Variants in WSB1 observed in about 807,000 individuals in gnomAD.
WSB1 encodes the protein WD repeat and SOCS box containing 1.
Under a neutral mutation model 50.2 loss-of-function variants are expected in WSB1, and 23 were observed. That is an observed-to-expected ratio of 0.46 (90% CI 0.33 to 0.65). WSB1 has a LOEUF of 0.65. Among genes scored for constraint, WSB1 ranks in the 30% least tolerant of loss-of-function variants. The pLI is 0.02. For missense variants in WSB1, 492 were observed against 522.3 expected (o/e 0.94, Z 0.56); for synonymous variants, 179 against 172.0 (o/e 1.04, Z -0.32).
chr17:27,294,127 C>G lies in WSB1; in HGVS notation c.-269C>G, dbSNP rs2016837858. The stretch of plus-strand genomic sequence containing the variant: ...CATTTTGACTCCAGTGTCTCGTTTG[C>G]AGTCGGCGCTTTAGGGGAACTGTCT... On this transcript the variant is annotated 5_prime_UTR_variant, in exon 1 of 9. Coordinates refer to ENST00000262394, the MANE Select transcript of WSB1 (RefSeq NM_015626.10). 3.3e-6 allele frequency: 1 copy of G among 301,690 alleles called. No homozygotes were observed. Among genetic ancestry groups the G allele is most frequent in the African/African-American group, 2.2e-5 (1 of 46,220 alleles). The allele number at this position is 301,690 out of a possible 1,614,324, so 18.7% of individuals were successfully genotyped here.
Position 27,308,999 on chromosome 17 carries a change from TTAATA to T in WSB1, c.712-96_712-92del. On this transcript the variant is annotated intron_variant, in intron 5 of 8. Transcript: ENST00000262394. ...TTAAATTACTCATAATTTATAATGC[TTAATA>T]TAATCTTAATTAAATTTAGCAGTTT... The T allele has an allele frequency of 3.6e-6, 5 of 1,376,884 alleles. No homozygotes were observed. In the South Asian group the frequency reaches 5.5e-5, roughly 15 times the overall value. 85.3% of individuals were successfully genotyped at this position (1,376,884 alleles called of 1,614,324 possible).
At position 27,305,012 on chromosome 17, in the gene WSB1, T is replaced by G. The variant is rs8073163; in HGVS notation, c.610+101T>G. ...GGCATTTGACTTTAAAAATGACATG[T>G]GATCAAAGTTCCTTTTCTCTGCCTT... On this transcript the variant is annotated intron_variant, in intron 4 of 8. Transcript: ENST00000262394. The G allele has an allele frequency of 9.5e-3, 13,898 of 1,465,080 alleles. 1,095 individuals carry two copies. In the African/African-American group the frequency reaches 0.17, roughly 18 times the overall value. 90.8% of individuals were successfully genotyped at this position (1,465,080 alleles called of 1,614,324 possible). A position where few individuals can be genotyped will look rare whatever the true frequency, so the allele number is the denominator to read the frequency against.
Position 27,312,648 on chromosome 17 carries a change from C to T in WSB1, c.*279C>T, listed in dbSNP as rs2017732567. On this transcript the variant is annotated 3_prime_UTR_variant, in exon 9 of 9. Coordinates refer to ENST00000262394, the MANE Select transcript of WSB1 (RefSeq NM_015626.10). The stretch of plus-strand genomic sequence containing the variant: ...ATAAGCTGCTATATGTTGAATGGAC[C>T]CTTTTGCTTTTCTGATTTTTAGTTC... 1 of 296,442 alleles carries T rather than the reference C, an allele frequency of 3.4e-6. No individual in the cohort carries two copies. The highest frequency in any genetic ancestry group is 2.2e-5 in the African/African-American group (1 of 44,702). The allele number at this position is 296,442 out of a possible 1,614,324, so 18.4% of individuals were successfully genotyped here.
At chr17:27,308,505 T>C (rs2017546796) in intron 5 of WSB1, 11 of 985,782 alleles carry the variant, frequency 1.1e-5, no homozygotes, top group Non-Finnish European at 1.2e-5. Flanking sequence ...AATAGCATTT[T>C]CATTTTGTAA....
rs1453532271 is a variant in WSB1 at position 27,310,086 on chromosome 17, A to G, written c.910A>G (p.Ile304Val). Reference sequence around the variant, plus strand: ...GCACCTGTTTCCCCCACCTACTCCAATATTTGCTGGAGGAGCAAATGACCG... The same window carrying G: ...GCACCTGTTTCCCCCACCTACTCCAGTATTTGCTGGAGGAGCAAATGACCG... Reference protein sequence around the residue: ...FGHLFPPPTPIFAGGANDRWV... With the variant: ...FGHLFPPPTPVFAGGANDRWV... Residue 304 changes from isoleucine (I) to valine (V), a missense_variant, in exon 7 of 9, where the codon ATA (isoleucine) becomes GTA (valine). Physicochemically the swap from Ile to Val is conservative, Grantham distance 29 (BLOSUM62 3). Transcript: ENST00000262394. The G allele has an allele frequency of 6.2e-7, 1 of 1,614,070 alleles. No homozygotes were observed. Among genetic ancestry groups the G allele is most frequent in the Non-Finnish European group, 8.5e-7 (1 of 1,179,948 alleles).
intron 5 of WSB1, 41 bp downstream of exon 5, chr17:27,306,923 T>C (rs1171093668): frequency 6.4e-7 from 1 of 1,572,796 alleles, no homozygotes; most frequent in Admixed American, 1.7e-5. Context: ...TGAATTGGAT[T>C]ATGATAATGT....
intron 7 of WSB1, among the ~76,000 whole-genome samples, chr17:27,311,184 A>G (rs1255238148): frequency 1.3e-5 from 2 of 152,178 alleles, no homozygotes; most frequent in East Asian, 3.9e-4. Flanking sequence ...AAAGGGTGAA[A>G]CAGACTAGAA....
In WSB1 at chr17:27,311,633, CTTTTTTTTTTTTTT is replaced by C. The variant is rs142949229; in HGVS notation, c.1106+30_1106+43del. 17 of 491,130 alleles carry C rather than the reference CTTTTTTTTTTTTTT, an allele frequency of 3.5e-5. No individual in the cohort carries two copies. Among genetic ancestry groups the C allele is most frequent in the Admixed American group, 1.9e-4 (3 of 16,198 alleles). 30.4% of individuals were successfully genotyped at this position (491,130 alleles called of 1,614,324 possible). On this transcript the variant is annotated intron_variant, in intron 8 of 8. Transcript: ENST00000262394. ...AGCTGCTGGGTAAATATATTTTTCT[CTTTTTTTTTTTTTT>C]TTTTTTTTTTTTGAGATGTAGTCTC...
chr17:27,307,536 A>G, intron 5 of WSB1: 1 of 574,284 alleles, frequency 1.7e-6, no homozygotes, highest in Admixed American at 3.5e-5. Context: ...ATTACAATAC[A>G]CTTTGAATTA....
chr17:27,300,105 A>G (rs934884499), intron 1 of WSB1, among the ~76,000 whole-genome samples: 2 of 139,418 alleles, frequency 1.4e-5, no homozygotes, highest in African/African-American at 5.6e-5. Context: ...CACCTGTCAT[A>G]TGCCAGGTGC....
At position 27,313,316 on chromosome 17, in the gene WSB1, T is replaced by TA. The variant is rs1362075156; in HGVS notation, c.*948dup. 3.9e-5 allele frequency: 6 copies of TA among 152,244 alleles called. No individual in the cohort carries two copies. The highest frequency in any genetic ancestry group is 8.8e-5 in the Non-Finnish European group (6 of 67,974). The allele number at this position is 152,244 out of a possible 1,614,324, so 9.4% of individuals were successfully genotyped here. A position where few individuals can be genotyped will look rare whatever the true frequency, so the allele number is the denominator to read the frequency against. On this transcript the variant is annotated 3_prime_UTR_variant, in exon 9 of 9. Coordinates refer to ENST00000262394, the MANE Select transcript of WSB1 (RefSeq NM_015626.10). Reference sequence around the variant, plus strand: ...GCTGCCTTAATTTTAGAAAGCAGCTTACTAGTTTACCCTTGTGGTATAAAG... The same window carrying TA: ...GCTGCCTTAATTTTAGAAAGCAGCTTAACTAGTTTACCCTTGTGGTATAAAG...
Position 27,309,245 on chromosome 17 carries a change from A to G in WSB1, c.857A>G (p.His286Arg). 1 of 1,609,614 alleles carries G rather than the reference A, an allele frequency of 6.2e-7. No homozygotes were observed. The highest frequency in any genetic ancestry group is 1.1e-5 in the South Asian group (1 of 90,398). ...YDTRVYIWDP[H>R]NGDILMEFGH... Reference sequence around the variant, plus strand: ...ACTCGAGTATATATCTGGGATCCACATAATGGAGACATTCTGATGGAATTT... The same window carrying G: ...ACTCGAGTATATATCTGGGATCCACGTAATGGAGACATTCTGATGGAATTT... The change falls in exon 6 of 9, where the codon CAT becomes CGT. Residue 286 changes from histidine to arginine, a missense_variant. Transcript: ENST00000262394.
intron 4 of WSB1, among the ~76,000 whole-genome samples, chr17:27,306,559 G>C (rs1296461551): frequency 6.6e-6 from 1 of 152,184 alleles, no homozygotes; most frequent in Admixed American, 6.5e-5. Context: ...TTTGAGGCTT[G>C]TGAACCATGC....
intron 5 of WSB1, chr17:27,308,355 A>G (rs1314294004): frequency 1.0e-6 from 1 of 985,332 alleles, no homozygotes; most frequent in Non-Finnish European, 1.2e-6. Context: ...ACTGATCTTT[A>G]GAATCTAAAA....
rs2017322979 is a variant in WSB1, at chr17:27,303,542, A to G, written c.385A>G (p.Ile129Val). ...VPEKQSRCVNIEWHRFRFGQD... is the reference protein window; with the variant it reads ...VPEKQSRCVNVEWHRFRFGQD... ...AGAAAAACAGAGTCGCTGTGTAAAT[A>G]TAGAATGGCATCGCTTCAGATTTGG... Residue 129 changes from isoleucine to valine, a missense_variant, in exon 3 of 9, where the codon ATA (isoleucine) becomes GTA (valine). Transcript: ENST00000262394. 1 of 1,614,204 alleles carries G rather than the reference A, an allele frequency of 6.2e-7. No homozygotes were observed. The highest frequency in any genetic ancestry group is 8.5e-7 in the Non-Finnish European group (1 of 1,180,026).
At chr17:27,311,737 T>G (rs376411032) in intron 8 of WSB1, 121 bp downstream of exon 8, 2 of 729,614 alleles carry the variant, frequency 2.7e-6, no homozygotes, top group Non-Finnish European at 4.2e-6. Context: ...TTCAAGGAGA[T>G]TCTCCTGCCT....
rs762952028 is a variant in WSB1, at chr17:27,303,459, A to C, written c.302A>C (p.Glu101Ala). Residue 101 changes from glutamate to alanine, a missense_variant, in exon 3 of 9, where the codon GAA (glutamate) becomes GCA (alanine). Coordinates refer to ENST00000262394, the MANE Select transcript of WSB1 (RefSeq NM_015626.10). ...SDGGQKNKPR[E>A]HIIDCGDIVW... ...GGTGGTCAGAAAAATAAGCCTCGTG[A>C]ACATATTATAGACTGTGGAGATATA... 6.2e-7 allele frequency: 1 copy of C among 1,614,136 alleles called. No individual in the cohort carries two copies. Among genetic ancestry groups the C allele is most frequent in the East Asian group, 2.2e-5 (1 of 44,872 alleles).
intron 3 of WSB1, 100 bp downstream of exon 3, chr17:27,303,735 A>G (rs2017331755): frequency 1.4e-6 from 2 of 1,437,060 alleles, no homozygotes; most frequent in Non-Finnish European, 1.9e-6. Context: ...GCTTACTGAA[A>G]AGCAAGAATT....
At chr17:27,302,058 A>G (rs1435242607) in intron 2 of WSB1, 102 bp downstream of exon 2, 2 of 1,320,842 alleles carry the variant, frequency 1.5e-6, no homozygotes, top group Non-Finnish European at 2.0e-6. Context: ...GTTTTACTTT[A>G]TAGATGATGT....
Sources: allele counts gnomAD v4.1 joint callset (sites outside exome capture counted in the v4.1 genomes callset), GRCh38; gene constraint gnomAD v4.1.1; transcripts MANE v1.5; gene names NCBI Gene and HGNC (gene_info 2026-07-23, HGNC 2026-07-21).